The following CLGN variants were observed in gnomAD, a reference collection of about 807,000 sequenced individuals.
The protein encoded by CLGN is calmegin.
A neutral mutation model predicts 79.1 loss-of-function variants in CLGN; 62 were observed. The observed-to-expected ratio is 0.78, with a 90% CI of 0.64 to 0.97. The LOEUF is 0.97. Among genes scored for constraint, CLGN ranks in the 50% least tolerant of loss-of-function variants. CLGN has a pLI of 0.00. For synonymous variants in CLGN, 225 were observed against 224.7 expected (o/e 1.00, Z -0.01); for missense variants, 647 against 715.5 (o/e 0.90, Z 1.09).
intron 8 of CLGN, among the ~76,000 whole-genome samples, chr4:140,396,695 T>C (rs987571449): frequency 4.6e-5 from 7 of 151,436 alleles, no homozygotes; most frequent in African/African-American, 1.7e-4. Flanking sequence ...TAGCTGGGAT[T>C]ACAGGCACCT....
chr4:140,394,944 G>T (rs1023626134), intron 10 of CLGN, among the ~76,000 whole-genome samples: 3 of 152,046 alleles, frequency 2.0e-5, no homozygotes, highest in African/African-American at 7.2e-5. Flanking sequence ...CACTTTGGGA[G>T]GCCAAGGTGG....
chr4:140,410,472 G>C, intron 3 of CLGN, 81 bp downstream of exon 3: 1 of 931,276 alleles, frequency 1.1e-6, no homozygotes, highest in Non-Finnish European at 1.7e-6. Context: ...CTGTAGTAGA[G>C]ATAATTTTCA....
intron 13 of CLGN, among the ~76,000 whole-genome samples, chr4:140,391,968 A>G (rs1187550316): frequency 1.3e-5 from 2 of 151,882 alleles, no homozygotes; most frequent in Non-Finnish European, 2.9e-5. Context: ...GGCCTATGGG[A>G]TTCATTAACT....
At chr4:140,391,604 T>C (rs1728774700) in intron 13 of CLGN, among the ~76,000 whole-genome samples, 1 of 151,862 alleles carries the variant, frequency 6.6e-6, no homozygotes, top group African/African-American at 2.4e-5. Context: ...CTTCAAGACA[T>C]TTGGCTTGGG....
At position 140,394,193 on chromosome 4, in the gene CLGN, T is replaced by TA. The variant is rs1486740433; in HGVS notation, c.1150-153dup. The TA allele has an allele frequency of 5.2e-5, 31 of 599,582 alleles. No homozygotes were observed. The East Asian group carries it at 8.7e-4, about 17-fold the overall frequency. The allele number at this position is 599,582 out of a possible 1,614,324, so 37.1% of individuals were successfully genotyped here. On this transcript the variant is annotated intron_variant, in intron 10 of 14. Coordinates refer to ENST00000325617, the MANE Select transcript of CLGN (RefSeq NM_004362.3). Reference sequence around the variant, plus strand: ...TAATTCATTAGTAATATACTGGATATAAAATCTTGTTTCTTTTGCTGTGTA... The same window carrying TA: ...TAATTCATTAGTAATATACTGGATATAAAAATCTTGTTTCTTTTGCTGTGTA...
intron 1 of CLGN, among the ~76,000 whole-genome samples, chr4:140,421,211 C>T (rs1047464734): frequency 6.6e-6 from 1 of 152,160 alleles, no homozygotes; most frequent in Non-Finnish European, 1.5e-5. Context: ...TGTCAGTGGA[C>T]ACTTGGGTTG....
intron 10 of CLGN, 106 bp from the exon 11 acceptor site, chr4:140,394,147 A>G (rs1200944252): frequency 1.4e-6 from 1 of 736,756 alleles, no homozygotes; most frequent in African/African-American, 1.8e-5. Context: ...TAACTGGAAA[A>G]AAGAGAATTT....
At chr4:140,412,812 T>A (rs1299293209) in intron 2 of CLGN, 123 bp downstream of exon 2, 1 of 890,532 alleles carries the variant, frequency 1.1e-6, no homozygotes. Flanking sequence ...AGAAAAAAAA[T>A]CAATGTTTTT....
chr4:140,390,789 G>A (rs1015585737), intron 13 of CLGN, 61 bp from the exon 14 acceptor site: 1 of 1,081,884 alleles, frequency 9.2e-7, no homozygotes, highest in East Asian at 2.6e-5. Context: ...CTACTGAAAA[G>A]TATTAAATAC....
chr4:140,417,669 G>C (rs1729369734), intron 1 of CLGN, among the ~76,000 whole-genome samples: 1 of 151,896 alleles, frequency 6.6e-6, no homozygotes, highest in Non-Finnish European at 1.5e-5. Context: ...TCTTCAAGGA[G>C]AACTACAAAC....
intron 11 of CLGN, among the ~76,000 whole-genome samples, chr4:140,393,547 GTCT>G (rs900984185): frequency 4.6e-5 from 7 of 152,160 alleles, no homozygotes; most frequent in African/African-American, 1.2e-4. Flanking sequence ...ATATTAAGTA[GTCT>G]TCTTCTATGA....
At chr4:140,425,454 G>GTC (rs1729548818) in intron 1 of CLGN, among the ~76,000 whole-genome samples, 2 of 151,610 alleles carry the variant, frequency 1.3e-5, no homozygotes, top group Non-Finnish European at 2.9e-5. Flanking sequence ...GTGTGTGTGT[G>GTC]TGTGTGTGTG....
rs1465015406 is a variant in CLGN at position 140,392,644 on chromosome 4, A to G, written c.1433T>C (p.Val478Ala). The change falls in exon 12 of 15, where the codon GTG becomes GCG. Residue 478 changes from valine to alanine, a missense_variant. Physicochemically the swap from Val to Ala is moderately conservative, Grantham distance 64. Transcript: ENST00000325617. The part of the protein sequence containing the change: ...GHPWLWLIYL[V>A]TAGVPIALIT... ...TAATGCTATTGGCACTCCTGCTGTC[A>G]CAAGATAAATCAACCAAAGCCATGG... 10 of 1,611,388 alleles carry G rather than the reference A, an allele frequency of 6.2e-6. No homozygotes were observed. Among genetic ancestry groups the G allele is most frequent in the Non-Finnish European group, 7.6e-6 (9 of 1,178,938 alleles).
intron 4 of CLGN, among the ~76,000 whole-genome samples, chr4:140,407,270 G>A (rs960497283): frequency 6.6e-6 from 1 of 151,594 alleles, no homozygotes; most frequent in Admixed American, 6.6e-5. Flanking sequence ...TTTGCCTCTC[G>A]CCCCCTATAA....
In CLGN at chr4:140,406,089, A is replaced by AAATAAAGC. The variant is rs1729101725; in HGVS notation, c.278-14_278-7dup. The stretch of plus-strand genomic sequence containing the variant: ...CTCTTCAATTTCCCATCTTCCTAAA[A>AAATAAAGC]AATAAAGCAAAGCAAATTAAACTAA... On this transcript the variant is annotated splice_region_variant and splice_polypyrimidine_tract_variant and intron_variant, in intron 4 of 14. Coordinates refer to ENST00000325617, the MANE Select transcript of CLGN (RefSeq NM_004362.3). 1.2e-6 allele frequency: 2 copies of AAATAAAGC among 1,611,140 alleles called. No individual in the cohort carries two copies. Among genetic ancestry groups the AAATAAAGC allele is most frequent in the Non-Finnish European group, 1.7e-6 (2 of 1,179,008 alleles).
At chr4:140,414,544 G>A (rs1283467199) in intron 1 of CLGN, among the ~76,000 whole-genome samples, 1 of 150,150 alleles carries the variant, frequency 6.7e-6, no homozygotes, top group Non-Finnish European at 1.5e-5. Flanking sequence ...CGAGAACTAC[G>A]TGAAGAATGC....
At chr4:140,411,233 A>G (rs1183789408) in intron 2 of CLGN, among the ~76,000 whole-genome samples, 1 of 151,980 alleles carries the variant, frequency 6.6e-6, no homozygotes, top group Non-Finnish European at 1.5e-5. Flanking sequence ...TCTATGGGGG[A>G]AGTATCATTA....
Position 140,392,387 on chromosome 4 carries a change from G to C in CLGN, c.1492-9C>G. 2 of 1,576,290 alleles carry C rather than the reference G, an allele frequency of 1.3e-6. No homozygotes were observed. The highest frequency in any genetic ancestry group is 2.4e-5 in the South Asian group (2 of 83,600). On this transcript the variant is annotated splice_polypyrimidine_tract_variant and intron_variant, in intron 12 of 14. Coordinates refer to ENST00000325617, the MANE Select transcript of CLGN (RefSeq NM_004362.3). ...GTATCTTTATGTTTTTTCTGTGGTAGTTAACATAAGTTATTTTTACTAAAG... is the reference window on the plus strand; with the variant it reads ...GTATCTTTATGTTTTTTCTGTGGTACTTAACATAAGTTATTTTTACTAAAG...
At chr4:140,426,484 A>C (rs1201968271) in intron 1 of CLGN, among the ~76,000 whole-genome samples, 1 of 152,242 alleles carries the variant, frequency 6.6e-6, no homozygotes, top group Non-Finnish European at 1.5e-5. Context: ...TGTTACTGGA[A>C]GATCAAACCA....
Sources: gnomAD v4.1 joint callset for allele counts (sites outside exome capture counted in the v4.1 genomes callset) on GRCh38, gnomAD v4.1.1 for gene constraint, MANE v1.5 for transcripts, NCBI Gene and HGNC (gene_info 2026-07-23, HGNC 2026-07-21) for gene names.